Variants in UTS2 observed in about 807,000 individuals in gnomAD.
UTS2 encodes the protein urotensin-2.
UTS2 carries 10 observed loss-of-function variants against 12.6 expected under a neutral mutation model. The observed-to-expected ratio is 0.80, with a 90% CI of 0.49 to 1.35. The LOEUF (loss-of-function observed/expected upper bound fraction) is 1.35, where lower values mean the gene tolerates loss of function less well. Among genes scored for constraint, UTS2 ranks in the 40% most tolerant of loss-of-function variants. UTS2 has a pLI of 0.00. For missense variants in UTS2, 142 were observed against 143.2 expected, an observed-to-expected ratio of 0.99 and a Z score of 0.04; for synonymous variants, 52 against 50.0, an observed-to-expected ratio of 1.04 and a Z score of -0.17.
chr1:7,906,449 G>GAGAAAGAAAGAAAAAGAA, the UTS2 span, among the ~76,000 whole-genome samples: 1 of 73,226 alleles, frequency 1.4e-5, no homozygotes, highest in African/African-American at 5.3e-5. Flanking sequence ...GAAAGAAAAA[G>GAGAAAGAAAGAAAAAGAA]AGAAAGAAAG....
the UTS2 span, among the ~76,000 whole-genome samples, chr1:7,894,464 G>C: frequency 6.6e-6 from 1 of 151,900 alleles, no homozygotes; most frequent in Non-Finnish European, 1.5e-5. Context: ...ATGAACCACC[G>C]TGCCCGACCT....
chr1:7,850,971 T>C, intron 1 of UTS2, 49 bp from the exon 2 acceptor site: 1 of 1,578,610 alleles, frequency 6.3e-7, no homozygotes, highest in South Asian at 1.1e-5. Context: ...CTTCAGTTAG[T>C]TATTTCTGTT....
chr1:7,861,820 C>T, the UTS2 span, among the ~76,000 whole-genome samples: 3 of 152,144 alleles, frequency 2.0e-5, no homozygotes, highest in African/African-American at 7.2e-5. Context: ...AGGGCAAACT[C>T]TGTTCATATT....
chr1:7,849,762 T>A, intron 2 of UTS2, 79 bp from the exon 3 acceptor site: 1 of 1,278,576 alleles, frequency 7.8e-7, no homozygotes, highest in Non-Finnish European at 1.1e-6. Flanking sequence ...CAAAATAATA[T>A]TACTAAATTA....
the UTS2 span, among the ~76,000 whole-genome samples, chr1:7,858,664 C>T: frequency 6.6e-6 from 1 of 152,132 alleles, no homozygotes; most frequent in African/African-American, 2.4e-5. Context: ...GCAACCACCA[C>T]CTCCAGGGTT....
chr1:7,880,636 G>A, the UTS2 span, among the ~76,000 whole-genome samples: 11 of 152,056 alleles, frequency 7.2e-5, no homozygotes, highest in Non-Finnish European at 1.5e-4. Context: ...ACTTGAACAG[G>A]CCAGTAACAA....
chr1:7,847,686 G>T lies in UTS2; in HGVS notation c.*80C>A. ...AGTTTGCCTAGTTTTTCTCCACACT[G>T]TTTTCAAATCAAGCATTGTGTTATT... On this transcript the variant is annotated 3_prime_UTR_variant, in exon 4 of 4. Transcript: ENST00000361696. 2 of 1,169,406 alleles carry T rather than the reference G, an allele frequency of 1.7e-6. No homozygotes were observed. Among genetic ancestry groups the T allele is most frequent in the Non-Finnish European group, 2.5e-6 (2 of 799,480 alleles). The allele number at this position is 1,169,406 out of a possible 1,614,324, so 72.4% of individuals were successfully genotyped here. A position where few individuals can be genotyped will look rare whatever the true frequency, so the allele number is the denominator to read the frequency against.
the UTS2 span, among the ~76,000 whole-genome samples, chr1:7,894,970 T>G: frequency 6.6e-6 from 1 of 152,188 alleles, no homozygotes; most frequent in Non-Finnish European, 1.5e-5. Context: ...AATCCTTTAC[T>G]TATTTTTTGC....
the UTS2 span, among the ~76,000 whole-genome samples, chr1:7,904,953 T>C: frequency 7.4e-6 from 1 of 134,414 alleles, no homozygotes; most frequent in African/African-American, 2.8e-5. Flanking sequence ...ACTTAAAGGA[T>C]AATTTAGTGA....
At chr1:7,863,957 A>C in the UTS2 span, among the ~76,000 whole-genome samples, 1 of 152,186 alleles carries the variant, frequency 6.6e-6, no homozygotes, top group Admixed American at 6.5e-5. Context: ...ACGTGGCCTC[A>C]TCCCCCGGGG....
At position 7,851,758 on chromosome 1, in the gene UTS2, G is replaced by A. The variant is rs1051212617; in HGVS notation, c.104-836C>T. 1.1e-4 allele frequency among the ~76,000 whole-genome samples: 17 copies of A among 152,344 alleles called. No homozygotes were observed. The South Asian group carries it at 2.9e-3, about 26-fold the overall frequency. On this transcript the variant is annotated intron_variant, in intron 1 of 3. Transcript: ENST00000361696. The stretch of plus-strand genomic sequence containing the variant: ...GAAAATCTATAAAATTTCATCATCT[G>A]TAAATGCTGATAGGAAAGCACATTT...
the UTS2 span, among the ~76,000 whole-genome samples, chr1:7,909,600 T>A: frequency 6.6e-6 from 1 of 151,922 alleles, no homozygotes; most frequent in Non-Finnish European, 1.5e-5. Context: ...ATTTTATTTT[T>A]AAAAAGTTCT....
the UTS2 span, among the ~76,000 whole-genome samples, chr1:7,891,679 CT>C: frequency 0.065 from 9,921 of 152,012 alleles, 1,107 homozygotes; most frequent in East Asian, 0.47. Context: ...CATTAGTTTG[CT>C]TCAGCCATTC....
the UTS2 span, among the ~76,000 whole-genome samples, chr1:7,883,845 CTT>C: frequency 6.8e-6 from 1 of 146,512 alleles, no homozygotes; most frequent in Non-Finnish European, 1.5e-5. Context: ...ATAAAATATT[CTT>C]TTTTTTTTTT....
chr1:7,858,320 A>T (rs991703898), upstream of UTS2, among the ~76,000 whole-genome samples: 6 of 152,180 alleles, frequency 3.9e-5, no homozygotes, highest in Admixed American at 3.9e-4. Flanking sequence ...TACATGAACA[A>T]AGACCACCCT....
chr1:7,875,907 C>T, the UTS2 span, among the ~76,000 whole-genome samples: 31 of 152,280 alleles, frequency 2.0e-4, no homozygotes, highest in Admixed American at 1.3e-3. Flanking sequence ...CCCCACCCAT[C>T]GCTGGCACCC....
At chr1:7,856,209 G>GC (rs60847528), upstream of UTS2, among the ~76,000 whole-genome samples, 152,321 of 152,322 alleles carry the variant, frequency 1, 76,160 homozygotes, top group Non-Finnish European at 1. Flanking sequence ...TGGGGCACCA[G>GC]CCTATGGGAG....
At chr1:7,898,650 G>A in the UTS2 span, among the ~76,000 whole-genome samples, 2 of 151,868 alleles carry the variant, frequency 1.3e-5, no homozygotes, top group Non-Finnish European at 2.9e-5. Context: ...TAATTTTTTT[G>A]TATTTTTTAG....
chr1:7,861,795 C>A, the UTS2 span, among the ~76,000 whole-genome samples: 1 of 152,066 alleles, frequency 6.6e-6, no homozygotes, highest in South Asian at 2.1e-4. Context: ...TGGTGTGGAG[C>A]GTGAAGAACA....
Sources: gnomAD v4.1 joint callset for allele counts (sites outside exome capture counted in the v4.1 genomes callset) on GRCh38, gnomAD v4.1.1 for gene constraint, MANE v1.5 for transcripts, NCBI Gene and HGNC (gene_info 2026-07-23, HGNC 2026-07-21) for gene names.